KMT2C: variants seen among roughly 807,000 people sequenced by gnomAD.
KMT2C encodes the protein lysine methyltransferase 2C.
KMT2C carries 88 observed loss-of-function variants against 507.9 expected under a neutral mutation model. The observed-to-expected ratio is 0.17, with a 90% CI of 0.15 to 0.21. The LOEUF is 0.21. KMT2C is among the 10% of genes least tolerant of loss of function. The pLI, the probability that KMT2C is intolerant of heterozygous loss-of-function variation, is 1.00. For missense variants in KMT2C, 4,954 were observed against 5,957.8 expected (o/e 0.83, Z 5.55); for synonymous variants, 2,049 against 2,080.8 (o/e 0.98, Z 0.42).
At chr7:152,210,409 C>A (rs1727777568) in intron 23 of KMT2C, among the ~76,000 whole-genome samples, 1 of 152,192 alleles carries the variant, frequency 6.6e-6, no homozygotes, top group Non-Finnish European at 1.5e-5. Context: ...CACTTTTAAT[C>A]ATGCATGTAC....
chr7:152,254,679 G>A (rs950011523), intron 9 of KMT2C, among the ~76,000 whole-genome samples: 60 of 152,230 alleles, frequency 3.9e-4, no homozygotes, highest in African/African-American at 1.3e-3. Flanking sequence ...AAGCAAGGGT[G>A]CCTATTATCT....
intron 1 of KMT2C, among the ~76,000 whole-genome samples, chr7:152,421,940 T>C (rs2097779630): frequency 6.6e-6 from 1 of 151,036 alleles, no homozygotes; most frequent in Non-Finnish European, 1.5e-5. Flanking sequence ...ATTAGAAAAC[T>C]TTAAAATATG....
intron 6 of KMT2C, among the ~76,000 whole-genome samples, chr7:152,281,806 T>C (rs555224162): frequency 3.1e-4 from 47 of 152,222 alleles, no homozygotes; most frequent in African/African-American, 9.6e-4. Flanking sequence ...GATATTACTA[T>C]TTTTCATTTT....
At chr7:152,340,428 TG>T (rs1393191237) in intron 2 of KMT2C, among the ~76,000 whole-genome samples, 2 of 152,200 alleles carry the variant, frequency 1.3e-5, no homozygotes, top group African/African-American at 4.8e-5. Context: ...TCCCTTCTTT[TG>T]AAAGAAGTCT....
rs1222694061 is a variant in KMT2C at position 152,136,395 on chromosome 7, TC to T, written c.*436del. On this transcript the variant is annotated 3_prime_UTR_variant, in exon 59 of 59. Transcript: ENST00000262189. ...ATAAGGCCGTGGCCAGCACTCTCTGTCCCCCTCGCTGGTGATTTCAGTCTTA... is the reference window on the plus strand; with the variant it reads ...ATAAGGCCGTGGCCAGCACTCTCTGTCCCCTCGCTGGTGATTTCAGTCTTA... 8.6e-6 allele frequency: 2 copies of T among 232,288 alleles called. No homozygotes were observed. The highest frequency in any genetic ancestry group is 4.5e-5 in the African/African-American group (2 of 44,820). The allele number at this position is 232,288 out of a possible 1,614,324, so 14.4% of individuals were successfully genotyped here.
At chr7:152,387,540 G>A (rs1285487273) in intron 1 of KMT2C, among the ~76,000 whole-genome samples, 2 of 145,732 alleles carry the variant, frequency 1.4e-5, no homozygotes, top group South Asian at 2.1e-4. Flanking sequence ...GTGCCATCTC[G>A]GCTCGCTGCA....
intron 26 of KMT2C, among the ~76,000 whole-genome samples, chr7:152,202,404 T>A (rs2094172554): frequency 6.6e-6 from 1 of 152,228 alleles, no homozygotes; most frequent in Admixed American, 6.5e-5. Context: ...GTAGTCTACA[T>A]CTATCAAACA....
chr7:152,316,816 T>A (rs867819366), intron 3 of KMT2C, among the ~76,000 whole-genome samples: 46 of 151,320 alleles, frequency 3.0e-4, no homozygotes, highest in African/African-American at 1.1e-3. Context: ...ACAAATTAAA[T>A]GTAGTGTAAT....
Position 152,358,149 on chromosome 7 carries a change from C to T in KMT2C, c.250+438G>A, listed in dbSNP as rs535879716. Among the ~76,000 whole-genome samples, 219 of 152,294 alleles carry T rather than the reference C, an allele frequency of 1.4e-3. 4 individuals carry two copies. Among genetic ancestry groups the T allele is most frequent in the Non-Finnish European group, 8.8e-5 (6 of 68,022 alleles). On this transcript the variant is annotated intron_variant, in intron 2 of 58. Transcript: ENST00000262189. ...TAAGGGCACCTAAAAGTCCAACAGA[C>T]CAGAAACTATTTGGTCTAGTTTGGC... is the stretch of plus-strand genomic sequence containing the variant.
chr7:152,363,878 A>T (rs1455155377), intron 1 of KMT2C, among the ~76,000 whole-genome samples: 1 of 152,222 alleles, frequency 6.6e-6, no homozygotes, highest in Non-Finnish European at 1.5e-5. Flanking sequence ...GGGAGAGAGC[A>T]ATTACAGAAG....
Position 152,163,112 on chromosome 7 carries a change from G to A in KMT2C, c.10465C>T (p.Gln3489Ter). 6.2e-7 allele frequency: 1 copy of A among 1,614,202 alleles called. No individual in the cohort carries two copies. Among genetic ancestry groups the A allele is most frequent in the Non-Finnish European group, 8.5e-7 (1 of 1,180,028 alleles). The change falls in exon 43 of 59, where the codon CAA (glutamine) becomes TAA (stop). Residue 3489 changes from glutamine to a stop codon, truncating the protein, a stop_gained. Coordinates refer to ENST00000262189, the MANE Select transcript of KMT2C (RefSeq NM_170606.3). LOFTEE classifies it high-confidence loss of function. ...MGQVLQQQNI[Q>*]QGSINSPSTQ... is the part of the protein sequence containing the mutation. ...GAGGGTGAATTAATTGATCCTTGTTGTATATTCTGCTGCTGTAAAACCTGC... is the reference window on the plus strand; with the variant it reads ...GAGGGTGAATTAATTGATCCTTGTTATATATTCTGCTGCTGTAAAACCTGC...
At chr7:152,195,437 G>A (rs1184696421) in intron 28 of KMT2C, 1 of 547,394 alleles carries the variant, frequency 1.8e-6, no homozygotes, top group Non-Finnish European at 2.3e-6. Context: ...TAAACAGCAT[G>A]CACCTACAGG....
At chr7:152,140,754 G>A (rs1039952305) in intron 55 of KMT2C, among the ~76,000 whole-genome samples, 5 of 152,170 alleles carry the variant, frequency 3.3e-5, no homozygotes, top group African/African-American at 7.2e-5. Flanking sequence ...AAGCACATCC[G>A]GGAGCACATG....
In KMT2C at chr7:152,138,748, C is replaced by T. The variant is rs1238735075; in HGVS notation, c.14643+48G>A. The stretch of plus-strand genomic sequence containing the variant: ...TGACCTGTGTGAGGAGGGAACTATT[C>T]GCCCAGGATCTGAACAACATGGCAG... On this transcript the variant is annotated intron_variant, in intron 58 of 58. Transcript: ENST00000262189. This position sits in a 1 kb window ranked among gnomAD's most constrained non-coding sequence, Gnocchi z 4.2. 7.0e-6 allele frequency: 8 copies of T among 1,147,508 alleles called. No homozygotes were observed. The highest frequency in any genetic ancestry group is 4.4e-5 in the Admixed American group (2 of 45,494). 71.1% of individuals were successfully genotyped at this position (1,147,508 alleles called of 1,614,324 possible). A position where few individuals can be genotyped will look rare whatever the true frequency, so the allele number is the denominator to read the frequency against.
At chr7:152,329,685 A>ATGGAG (rs1563882167) in intron 3 of KMT2C, among the ~76,000 whole-genome samples, 1 of 128,212 alleles carries the variant, frequency 7.8e-6, no homozygotes, top group Non-Finnish European at 1.6e-5. Context: ...GGAGAAAGGG[A>ATGGAG]GGGAAGGAGG....
At chr7:152,306,906 C>T (rs891830833) in intron 6 of KMT2C, among the ~76,000 whole-genome samples, 72 of 152,174 alleles carry the variant, frequency 4.7e-4, no homozygotes, top group African/African-American at 1.7e-3. Context: ...TGCCTATAAT[C>T]CCAGTACTTC....
intron 2 of KMT2C, among the ~76,000 whole-genome samples, chr7:152,348,332 C>A (rs1223671123): frequency 6.6e-6 from 1 of 151,726 alleles, no homozygotes; most frequent in Non-Finnish European, 1.5e-5. Flanking sequence ...CATGGTGGCT[C>A]ACATCTGTAA....
At position 152,169,229 on chromosome 7, in the gene KMT2C, C is replaced by A; in HGVS notation, c.9474G>T (p.Gln3158His). 6.3e-7 allele frequency: 1 copy of A among 1,599,458 alleles called. No individual in the cohort carries two copies. The highest frequency in any genetic ancestry group is 8.6e-7 in the Non-Finnish European group (1 of 1,166,970). Residue 3158 changes from glutamine (Q) to histidine (H), a missense_variant, in exon 41 of 59, where the codon CAG becomes CAT. This residue lies in a region of KMT2C where 71 missense variants were observed against 139.2 expected (regional missense o/e 0.51). Transcript: ENST00000262189. ...AATTTGGAGGATTAGGCCTAGAAAT[C>A]TGATGTGTTATACTGCCATCCTAAA... is the stretch of plus-strand genomic sequence containing the variant. ...AIPQDGSITH[Q>H]ISRPNPPNFG...
At chr7:152,158,303 C>T (rs2129100942) in intron 44 of KMT2C, among the ~76,000 whole-genome samples, 2 of 152,304 alleles carry the variant, frequency 1.3e-5, no homozygotes, top group East Asian at 3.9e-4. Context: ...AGAGTCACAA[C>T]AAAGTACTGA....
Sources: gnomAD v4.1 joint callset for allele counts (sites outside exome capture counted in the v4.1 genomes callset) on GRCh38, gnomAD v4.1.1 for gene constraint, gnomAD v4.1.1 regional missense constraint, Gnocchi (gnomAD v3.1) non-coding constraint, MANE v1.5 for transcripts, NCBI Gene and HGNC (gene_info 2026-07-23, HGNC 2026-07-21) for gene names.